The following WDR72 variants were observed in gnomAD, a reference collection of about 807,000 sequenced individuals.
The protein encoded by WDR72 is WD repeat domain 72, also known as WD repeat-containing protein 72.
WDR72 carries 120 observed loss-of-function variants against 124.2 expected under a neutral mutation model. The observed-to-expected ratio is 0.97, with a 90% CI of 0.83 to 1.12. WDR72 has a LOEUF of 1.12. Ranked by LOEUF, WDR72 falls within the 50% of genes most tolerant of loss-of-function variation. WDR72 has a pLI of 0.00. For missense variants in WDR72, 1,387 were observed against 1,278.8 expected (o/e 1.08, Z -1.29); for synonymous variants, 452 against 441.7 (o/e 1.02, Z -0.29).
intron 13 of WDR72, among the ~76,000 whole-genome samples, chr15:53,680,439 G>C (rs908445362): frequency 4.6e-5 from 7 of 152,270 alleles, no homozygotes; most frequent in African/African-American, 1.7e-4. Flanking sequence ...GTAAGATATG[G>C]AGAGAATTTC....
chr15:53,609,742 C>T, intron 16 of WDR72, 150 bp from the exon 17 acceptor site: 1 of 706,628 alleles, frequency 1.4e-6, no homozygotes, highest in South Asian at 1.6e-5. Flanking sequence ...TTTTATTTTA[C>T]AGATCCTGTG....
intron 13 of WDR72, among the ~76,000 whole-genome samples, chr15:53,667,485 G>C (rs942521217): frequency 6.6e-6 from 1 of 152,120 alleles, no homozygotes; most frequent in Non-Finnish European, 1.5e-5. Flanking sequence ...AGAAAAAAAT[G>C]ATTTATAGAT....
rs138104502 is a variant in WDR72, at chr15:53,751,507, T to C, written c.-13+8126A>G. On this transcript the variant is annotated intron_variant, in intron 1 of 19. Transcript: ENST00000360509. ...TTACTTTAGATATTATATTATCGTA[T>C]ACTTAATAGGCTTTGATATGCACTG... Among the ~76,000 whole-genome samples, 251 of 152,344 alleles carry C rather than the reference T, an allele frequency of 1.6e-3. 2 individuals are homozygous for C. Among genetic ancestry groups the C allele is most frequent in the African/African-American group, 5.8e-3 (242 of 41,588 alleles).
At chr15:53,625,328 T>A (rs947275872) in intron 14 of WDR72, among the ~76,000 whole-genome samples, 12 of 152,232 alleles carry the variant, frequency 7.9e-5, no homozygotes, top group Admixed American at 2.0e-4. Flanking sequence ...CAACATGTGA[T>A]TTCCAGGTAT....
At chr15:53,677,426 C>A (rs2016213333) in intron 13 of WDR72, among the ~76,000 whole-genome samples, 1 of 152,142 alleles carries the variant, frequency 6.6e-6, no homozygotes, top group Non-Finnish European at 1.5e-5. Context: ...TTAAAGCATT[C>A]TATTTCCAAA....
At chr15:53,748,760 C>T (rs1294537128) in intron 1 of WDR72, among the ~76,000 whole-genome samples, 9 of 152,226 alleles carry the variant, frequency 5.9e-5, no homozygotes, top group African/African-American at 1.9e-4. Context: ...TACTAGTCTC[C>T]TCTGATAACA....
chr15:53,673,338 A>C (rs1412141904), intron 13 of WDR72, among the ~76,000 whole-genome samples: 1 of 152,368 alleles, frequency 6.6e-6, no homozygotes, highest in East Asian at 1.9e-4. Flanking sequence ...AAAAGAAATC[A>C]TAGTCATTTG....
chr15:53,737,763 A>T (rs1355586626), intron 1 of WDR72, among the ~76,000 whole-genome samples: 1 of 152,218 alleles, frequency 6.6e-6, no homozygotes, highest in Non-Finnish European at 1.5e-5. Flanking sequence ...ACAAAAATTT[A>T]AGGATATTAA....
rs909942585 is a variant in WDR72, at chr15:53,666,848, G to C, written c.1766-1080C>G. Reference sequence around the variant, plus strand: ...CTCATTTCTCTCCCACTCTTCTATAGCCTTCTTTTATTACAACTAAACTAC... The same window carrying C: ...CTCATTTCTCTCCCACTCTTCTATACCCTTCTTTTATTACAACTAAACTAC... On this transcript the variant is annotated intron_variant, in intron 13 of 19. Transcript: ENST00000360509. 1.4e-4 allele frequency among the ~76,000 whole-genome samples: 22 copies of C among 152,000 alleles called. 1 individual carries two copies. The highest frequency in any genetic ancestry group is 2.9e-5 in the Non-Finnish European group (2 of 68,006).
chr15:53,623,633 C>T (rs2140381365), intron 14 of WDR72, among the ~76,000 whole-genome samples: 1 of 152,148 alleles, frequency 6.6e-6, no homozygotes, highest in South Asian at 2.1e-4. Context: ...GATCACGTGT[C>T]TTTTTGGTAG....
At chr15:53,523,476 CTAAG>C (rs1296064606) in intron 18 of WDR72, among the ~76,000 whole-genome samples, 154 bp from the exon 19 acceptor site, 1 of 152,042 alleles carries the variant, frequency 6.6e-6, no homozygotes, top group Non-Finnish European at 1.5e-5. Flanking sequence ...AATGTATCCT[CTAAG>C]TATTTATTGG....
intron 14 of WDR72, among the ~76,000 whole-genome samples, chr15:53,639,655 T>A (rs2014774723): frequency 6.6e-6 from 1 of 151,776 alleles, no homozygotes; most frequent in Non-Finnish European, 1.5e-5. Context: ...GGCACTGCTG[T>A]CTGATTCTTC....
rs370281315 is a variant in WDR72, at chr15:53,701,536, G to GTCTCTCTCTCTCTCTC, written c.1569+582_1569+597dup. Among the ~76,000 whole-genome samples the GTCTCTCTCTCTCTCTC allele has an allele frequency of 5.8e-3, 584 of 101,418 alleles. 7 individuals carry two copies. The highest frequency in any genetic ancestry group is 0.014 in the African/African-American group (383 of 27,894). The allele number at this position is 101,418 out of a possible 152,430, so 66.5% of individuals were successfully genotyped here. On this transcript the variant is annotated intron_variant, in intron 12 of 19. Transcript: ENST00000360509. ...AGCCTGGATGACAAAGTGAGACCCT[G>GTCTCTCTCTCTCTCTC]TCTCTCTCTCTCTCTCTCTCTCTCA...
chr15:53,554,448 T>C (rs1294542814), intron 18 of WDR72, among the ~76,000 whole-genome samples: 1 of 152,102 alleles, frequency 6.6e-6, no homozygotes, highest in East Asian at 1.9e-4. Flanking sequence ...GTTCAGTTGG[T>C]TTCAAGCCTG....
intron 14 of WDR72, among the ~76,000 whole-genome samples, chr15:53,639,213 C>T (rs2014740152): frequency 6.6e-6 from 1 of 151,934 alleles, no homozygotes; most frequent in Admixed American, 6.6e-5. Context: ...TTAATTAATC[C>T]CTCTACTCAT....
At chr15:53,712,602 C>T (rs571808009) in intron 7 of WDR72, among the ~76,000 whole-genome samples, 170 bp downstream of exon 7, 2 of 119,826 alleles carry the variant, frequency 1.7e-5, no homozygotes, top group Non-Finnish European at 1.9e-5. Context: ...ACCACCCCAC[C>T]GCCAAAAAAA....
chr15:53,676,598 G>T (rs2016180467), intron 13 of WDR72, among the ~76,000 whole-genome samples: 2 of 152,172 alleles, frequency 1.3e-5, no homozygotes, highest in Admixed American at 6.5e-5. Flanking sequence ...CAAGTGAAAA[G>T]AACTAAATTC....
At position 53,712,877 on chromosome 15, in the gene WDR72, G is replaced by C; in HGVS notation, c.606C>G (p.Val202=). ...CAAGAAACTTGGATTCTTTTTCATAGACATCTTGCTTTTCCTTCAAAAGGA... is the reference window on the plus strand; with the variant it reads ...CAAGAAACTTGGATTCTTTTTCATACACATCTTGCTTTTCCTTCAAAAGGA... ...SINSIQEKQD[V]YEKESKFLES... is the part of the protein sequence containing the mutation. The change falls in exon 7 of 20, where the codon GTC becomes GTG. Residue 202 remains valine, a synonymous_variant. Transcript: ENST00000360509. The C allele has an allele frequency of 1.2e-6, 2 of 1,613,532 alleles. No individual in the cohort carries two copies. Among genetic ancestry groups the C allele is most frequent in the Non-Finnish European group, 1.7e-6 (2 of 1,179,754 alleles).
intron 18 of WDR72, among the ~76,000 whole-genome samples, chr15:53,527,286 G>A (rs761537362): frequency 3.3e-5 from 5 of 152,042 alleles, no homozygotes; most frequent in African/African-American, 1.2e-4. Flanking sequence ...TTTGGTTTCA[G>A]TCATTCTCTA....
Sources: gnomAD v4.1 joint callset for allele counts (sites outside exome capture counted in the v4.1 genomes callset) on GRCh38, gnomAD v4.1.1 for gene constraint, MANE v1.5 for transcripts, NCBI Gene and HGNC (gene_info 2026-07-23, HGNC 2026-07-21) for gene names.